The following DNAJC15 variants were observed in gnomAD, a reference collection of about 807,000 sequenced individuals.
The protein encoded by DNAJC15 is DnaJ heat shock protein family (Hsp40) member C15.
A neutral mutation model predicts 22.4 loss-of-function variants in DNAJC15; 27 were observed. The observed-to-expected ratio is 1.20, with a 90% CI of 0.89 to 1.66. The LOEUF (loss-of-function observed/expected upper bound fraction) is 1.66. DNAJC15 is among the 40% of genes most tolerant of loss of function. DNAJC15 has a pLI of 0.00. For synonymous variants in DNAJC15, 79 were observed against 63.2 expected, an observed-to-expected ratio of 1.25 and a Z score of -1.19; for missense variants, 208 against 187.1, an observed-to-expected ratio of 1.11 and a Z score of -0.65.
intron 4 of DNAJC15, 41 bp downstream of exon 4, chr13:43,078,729 G>A (rs1566211992): frequency 6.3e-7 from 1 of 1,575,450 alleles, no homozygotes; most frequent in African/African-American, 1.3e-5. Context: ...GTGTGGCCAA[G>A]CTTGTCTTTA....
chr13:43,068,206 G>A (rs774959443), intron 2 of DNAJC15, among the ~76,000 whole-genome samples: 1 of 152,062 alleles, frequency 6.6e-6, no homozygotes. Context: ...TCTGATTGGG[G>A]TGCAAAAGAT....
chr13:43,062,240 G>C (rs1202692276), intron 1 of DNAJC15, among the ~76,000 whole-genome samples: 1 of 152,186 alleles, frequency 6.6e-6, no homozygotes, highest in South Asian at 2.1e-4. Flanking sequence ...GAGAGTTGTA[G>C]GCATGAAAGA....
At chr13:43,071,665 T>C (rs1314161718) in intron 3 of DNAJC15, among the ~76,000 whole-genome samples, 1 of 152,180 alleles carries the variant, frequency 6.6e-6, no homozygotes, top group East Asian at 1.9e-4. Context: ...TATTAATTAT[T>C]GAACCAAATA....
chr13:43,083,457 G>GC (rs1441747628), intron 4 of DNAJC15, among the ~76,000 whole-genome samples: 2 of 152,204 alleles, frequency 1.3e-5, no homozygotes, highest in Non-Finnish European at 2.9e-5. Context: ...GTGAGCTACT[G>GC]CCCCCGGCCT....
chr13:43,035,252 T>G (rs377483933), intron 1 of DNAJC15, among the ~76,000 whole-genome samples: 2 of 152,218 alleles, frequency 1.3e-5, no homozygotes, highest in South Asian at 4.2e-4. Context: ...TGAAAGGAAT[T>G]AGAGAGAGAG....
At position 43,113,003 on chromosome 13, in the gene DNAJC15, G is replaced by T. The variant is rs2040831730; in HGVS notation, c.*5755G>T. 1 of 152,200 alleles carries T rather than the reference G, an allele frequency of 6.6e-6. No homozygotes were observed. The highest frequency in any genetic ancestry group is 2.1e-4 in the South Asian group (1 of 4,834). 9.4% of individuals were successfully genotyped at this position (152,200 alleles called of 1,614,324 possible). A position where few individuals can be genotyped will look rare whatever the true frequency, so the allele number is the denominator to read the frequency against. On this transcript the variant is annotated 3_prime_UTR_variant, in exon 6 of 6. Coordinates refer to ENST00000379221, the MANE Select transcript of DNAJC15 (RefSeq NM_013238.3). ...GGAAGCTTACGATGTCCATCCAAGT[G>T]CACATAGCAAAAGTTCTGTTGTAAA...
chr13:43,083,446 C>A (rs1418609060), intron 4 of DNAJC15, among the ~76,000 whole-genome samples: 2 of 152,138 alleles, frequency 1.3e-5, no homozygotes, highest in Non-Finnish European at 2.9e-5. Flanking sequence ...GGATTACAGG[C>A]GTGAGCTACT....
chr13:43,033,462 C>G (rs2040413194), intron 1 of DNAJC15, among the ~76,000 whole-genome samples: 1 of 152,090 alleles, frequency 6.6e-6, no homozygotes, highest in Non-Finnish European at 1.5e-5. Context: ...TAACCCAAGT[C>G]ATATTTTATT....
chr13:43,026,884 C>A (rs9567098), intron 1 of DNAJC15, among the ~76,000 whole-genome samples: 2 of 151,980 alleles, frequency 1.3e-5, no homozygotes, highest in African/African-American at 4.8e-5. Flanking sequence ...AAAGAAAAAT[C>A]AAAAAGAAAT....
At chr13:43,054,297 ATTAG>A (rs2040519301) in intron 1 of DNAJC15, among the ~76,000 whole-genome samples, 1 of 152,050 alleles carries the variant, frequency 6.6e-6, no homozygotes, top group South Asian at 2.1e-4. Context: ...GTTGGGTTTG[ATTAG>A]TTAGTATTTT....
intron 3 of DNAJC15, among the ~76,000 whole-genome samples, chr13:43,072,917 C>T (rs1566210261): frequency 6.6e-6 from 1 of 152,156 alleles, no homozygotes; most frequent in African/African-American, 2.4e-5. Context: ...TTTTTTCTGG[C>T]AACCCATTTT....
chr13:43,065,761 T>C, intron 2 of DNAJC15, 24 bp downstream of exon 2: 3 of 1,607,854 alleles, frequency 1.9e-6, no homozygotes, highest in Non-Finnish European at 2.6e-6. Flanking sequence ...TACATACCAA[T>C]AAATTGCAGG....
rs533360811 is a variant in DNAJC15, at chr13:43,091,147, C to T, written c.382+5309C>T. Among the ~76,000 whole-genome samples the T allele has an allele frequency of 4.6e-5, 7 of 152,134 alleles. No individual in the cohort carries two copies. The East Asian group carries it at 5.8e-4, about 13-fold the overall frequency. Reference sequence around the variant, plus strand: ...TCACCTAGGCTGGAGTGCAGTGGCACGATCTCTGCTCACTGCAACCTCCAC... The same window carrying T: ...TCACCTAGGCTGGAGTGCAGTGGCATGATCTCTGCTCACTGCAACCTCCAC... On this transcript the variant is annotated intron_variant, in intron 5 of 5. Transcript: ENST00000379221.
chr13:43,108,315 A>G lies in DNAJC15; in HGVS notation c.*1067A>G, dbSNP rs983560028. The G allele has an allele frequency of 6.6e-6, 1 of 152,176 alleles. No individual in the cohort carries two copies. Among genetic ancestry groups the G allele is most frequent in the Non-Finnish European group, 1.5e-5 (1 of 68,028 alleles). The allele number at this position is 152,176 out of a possible 1,614,324, so 9.4% of individuals were successfully genotyped here. A position where few individuals can be genotyped will look rare whatever the true frequency, so the allele number is the denominator to read the frequency against. On this transcript the variant is annotated 3_prime_UTR_variant, in exon 6 of 6. Transcript: ENST00000379221. ...GTGATTAGAGTGCAGGGTTTCTGGA[A>G]AGCAAGGTTTGGACAGAGTGGTCAT...
chr13:43,105,429 A>G (rs960991817), intron 5 of DNAJC15, among the ~76,000 whole-genome samples: 5 of 152,222 alleles, frequency 3.3e-5, no homozygotes, highest in Non-Finnish European at 7.3e-5. Context: ...AACTTTTCCA[A>G]CTATTTAGAG....
At chr13:43,041,988 A>T (rs1307881474) in intron 1 of DNAJC15, among the ~76,000 whole-genome samples, 1 of 152,238 alleles carries the variant, frequency 6.6e-6, no homozygotes, top group Non-Finnish European at 1.5e-5. Context: ...AGGTAAGACC[A>T]TAACACTGAC....
rs754895483 is a variant in DNAJC15 at position 43,113,581 on chromosome 13, T to C, written c.*6333T>C. The C allele has an allele frequency of 6.6e-6, 1 of 152,248 alleles. No homozygotes were observed. Among genetic ancestry groups the C allele is most frequent in the Non-Finnish European group, 1.5e-5 (1 of 68,048 alleles). 9.4% of individuals were successfully genotyped at this position (152,248 alleles called of 1,614,324 possible). A position where few individuals can be genotyped will look rare whatever the true frequency, so the allele number is the denominator to read the frequency against. On this transcript the variant is annotated 3_prime_UTR_variant, in exon 6 of 6. Coordinates refer to ENST00000379221, the MANE Select transcript of DNAJC15 (RefSeq NM_013238.3). ...AGTTTCTAACTCCTTATGACTAATA[T>C]TCATAACAGACTTGTGAGTTCCTTG...
At chr13:43,040,236 A>T (rs966905150) in intron 1 of DNAJC15, among the ~76,000 whole-genome samples, 1 of 152,230 alleles carries the variant, frequency 6.6e-6, no homozygotes, top group Non-Finnish European at 1.5e-5. Context: ...ATCAAGACCC[A>T]CAAAGCAAAG....
intron 3 of DNAJC15, 84 bp downstream of exon 3, chr13:43,069,087 G>T: frequency 7.6e-7 from 1 of 1,318,346 alleles, no homozygotes; most frequent in Non-Finnish European, 1.0e-6. Context: ...AAAATGTCTT[G>T]GATTTTCCAA....
Sources: allele counts gnomAD v4.1 joint callset (sites outside exome capture counted in the v4.1 genomes callset), GRCh38; gene constraint gnomAD v4.1.1; transcripts MANE v1.5; gene names NCBI Gene and HGNC (gene_info 2026-07-23, HGNC 2026-07-21).